Variants in CDIP1 observed in about 807,000 individuals in gnomAD.
The protein encoded by CDIP1 is cell death inducing p53 target 1, also known as cell death-inducing p53-target protein 1.
In CDIP1, 9 loss-of-function variants were observed where a neutral mutation model predicts 17.7. That is an observed-to-expected ratio of 0.51 (90% CI 0.31 to 0.89). The LOEUF is 0.89. Among genes scored for constraint, CDIP1 ranks in the 40% least tolerant of loss-of-function variants. The pLI is 0.05. For missense variants in CDIP1, 263 were observed against 277.9 expected, an observed-to-expected ratio of 0.95 and a Z score of 0.38; for synonymous variants, 117 against 109.5, an observed-to-expected ratio of 1.07 and a Z score of -0.43.
At chr16:4,524,040 C>G (rs2058976462) in intron 1 of CDIP1, 1 of 152,284 alleles carries the variant, frequency 6.6e-6, no homozygotes, top group Admixed American at 6.5e-5. Flanking sequence ...AGACAGCGGT[C>G]TTCTTTGCTT....
chr16:4,519,074 G>C (rs1035076369), intron 1 of CDIP1, among the ~76,000 whole-genome samples: 1 of 152,156 alleles, frequency 6.6e-6, no homozygotes, highest in East Asian at 1.9e-4. Context: ...CAAAATAGGT[G>C]CCTGTTTGAA....
At chr16:4,526,422 T>C (rs4786513) in intron 1 of CDIP1, among the ~76,000 whole-genome samples, 99,910 of 151,406 alleles carry the variant, frequency 0.66, 33,537 homozygotes, top group Non-Finnish European at 0.73. Context: ...AAAAAATAGC[T>C]GGTCACGGTG....
intron 1 of CDIP1, among the ~76,000 whole-genome samples, chr16:4,527,293 T>C (rs182062066): frequency 1.3e-5 from 2 of 152,064 alleles, no homozygotes; most frequent in African/African-American, 4.8e-5. Context: ...TTCACCGTGT[T>C]AGCCAGGGTG....
chr16:4,528,555 G>A (rs986182035), intron 1 of CDIP1, among the ~76,000 whole-genome samples: 10 of 151,846 alleles, frequency 6.6e-5, no homozygotes, highest in African/African-American at 1.7e-4. Flanking sequence ...AGTGGCTCAC[G>A]CCTATAATCC....
At chr16:4,531,608 A>C (rs2059057382) in intron 1 of CDIP1, among the ~76,000 whole-genome samples, 1 of 152,240 alleles carries the variant, frequency 6.6e-6, no homozygotes, top group African/African-American at 2.4e-5. Context: ...GCGAGCAAGC[A>C]GTGGCACAGA....
intron 1 of CDIP1, among the ~76,000 whole-genome samples, chr16:4,526,999 C>A (rs183581544): frequency 6.6e-6 from 1 of 151,588 alleles, no homozygotes; most frequent in Non-Finnish European, 1.5e-5. Context: ...TGATGAGTCA[C>A]GGGAGAGGCC....
intron 1 of CDIP1, among the ~76,000 whole-genome samples, chr16:4,521,814 TC>T: frequency 6.6e-6 from 1 of 151,850 alleles, no homozygotes; most frequent in South Asian, 2.1e-4. Flanking sequence ...CTCGGTTTCT[TC>T]CTCTGTAAAC....
intron 1 of CDIP1, among the ~76,000 whole-genome samples, chr16:4,522,817 C>T (rs950455737): frequency 3.3e-5 from 5 of 152,216 alleles, no homozygotes; most frequent in Non-Finnish European, 4.4e-5. Context: ...GCACAGAATC[C>T]CCACCAAGGG....
intron 1 of CDIP1, chr16:4,533,702 C>CT (rs2059077956): frequency 6.6e-6 from 1 of 151,968 alleles, no homozygotes; most frequent in South Asian, 2.1e-4. Flanking sequence ...TCTCATCCCC[C>CT]CACCCTTCCC....
chr16:4,535,713 C>T (rs1465604573), intron 1 of CDIP1, among the ~76,000 whole-genome samples: 2 of 152,244 alleles, frequency 1.3e-5, no homozygotes, highest in African/African-American at 2.4e-5. Context: ...GAAGTGGTGA[C>T]CGGGGCCATC....
chr16:4,528,850 G>A (rs146304766), intron 1 of CDIP1, among the ~76,000 whole-genome samples: 2,723 of 152,104 alleles, frequency 0.018, 86 homozygotes, highest in African/African-American at 0.062. Context: ...TTAGCCAGGC[G>A]TGGTGGCGCA....
intron 1 of CDIP1, among the ~76,000 whole-genome samples, chr16:4,520,113 G>A (rs1293201965): frequency 6.7e-6 from 1 of 148,528 alleles, no homozygotes; most frequent in Non-Finnish European, 1.5e-5. Flanking sequence ...TTGACAAGTG[G>A]TAGGTTTTTT....
At chr16:4,537,496 G>A (rs1462819438) in intron 1 of CDIP1, among the ~76,000 whole-genome samples, 1 of 152,160 alleles carries the variant, frequency 6.6e-6, no homozygotes, top group African/African-American at 2.4e-5. Context: ...TAACTTGCCC[G>A]GGCACCGCCC....
chr16:4,537,515 A>G (rs2059121019), intron 1 of CDIP1, among the ~76,000 whole-genome samples: 1 of 152,144 alleles, frequency 6.6e-6, no homozygotes, highest in African/African-American at 2.4e-5. Context: ...CCCGCCCAGC[A>G]TCAGGCCCCA....
intron 1 of CDIP1, among the ~76,000 whole-genome samples, chr16:4,536,979 T>C (rs1265404010): frequency 6.6e-6 from 1 of 152,142 alleles, no homozygotes; most frequent in Non-Finnish European, 1.5e-5. Flanking sequence ...AGCTCTTCCC[T>C]GGTTCTCCCA....
chr16:4,525,448 G>A (rs2058990027), intron 1 of CDIP1, among the ~76,000 whole-genome samples: 4 of 152,176 alleles, frequency 2.6e-5, no homozygotes, highest in Admixed American at 2.6e-4. Context: ...TTTGGATGCA[G>A]GTGCCCAGCA....
chr16:4,537,307 GTA>G (rs1486972325), intron 1 of CDIP1, among the ~76,000 whole-genome samples: 8 of 152,164 alleles, frequency 5.3e-5, no homozygotes, highest in Non-Finnish European at 1.0e-4. Flanking sequence ...TTCAACTTTT[GTA>G]TGTTTCACGT....
chr16:4,536,163 C>T (rs888198775), intron 1 of CDIP1, among the ~76,000 whole-genome samples: 1 of 152,216 alleles, frequency 6.6e-6, no homozygotes, highest in Non-Finnish European at 1.5e-5. Flanking sequence ...TTCCCTGTGT[C>T]TTCTATGAGT....
intron 1 of CDIP1, chr16:4,522,375 G>A (rs2058959872): frequency 6.6e-6 from 1 of 152,296 alleles, no homozygotes; most frequent in Non-Finnish European, 1.5e-5. Context: ...ACATTTCTCA[G>A]AGCTGGGCTG....
Sources: allele counts gnomAD v4.1 joint callset (sites outside exome capture counted in the v4.1 genomes callset), GRCh38; gene constraint gnomAD v4.1.1; transcripts MANE v1.5; gene names NCBI Gene and HGNC (gene_info 2026-07-23, HGNC 2026-07-21).